Variants in ROBO2 observed in about 807,000 individuals in gnomAD.
ROBO2 encodes roundabout homolog 2.
In ROBO2, 53 loss-of-function variants were observed where a neutral mutation model predicts 160.8. That is an observed-to-expected ratio of 0.33 (90% confidence interval 0.26 to 0.41). The LOEUF (loss-of-function observed/expected upper bound fraction) is 0.41, where lower values mean the gene tolerates loss of function less well. ROBO2 is among the 10% of genes least tolerant of loss of function. The pLI, the probability that ROBO2 is intolerant of heterozygous loss-of-function variation, is 1.00. For synonymous variants in ROBO2, 664 were observed against 611.7 expected (o/e 1.09, Z -1.26); for missense variants, 1,577 against 1,722.4 (o/e 0.92, Z 1.49).
chr3:77,105,496 G>A (rs2150133622), intron 2 of ROBO2, among the ~76,000 whole-genome samples: 1 of 152,246 alleles, frequency 6.6e-6, no homozygotes, highest in East Asian at 1.9e-4. Context: ...ATGCTAATAT[G>A]TTATTTTGGC....
chr3:75,935,334 C>T (rs1947721557), intron 1 of ROBO2, among the ~76,000 whole-genome samples: 1 of 151,988 alleles, frequency 6.6e-6, no homozygotes, highest in Non-Finnish European at 1.5e-5. Context: ...AGTCAAGCAA[C>T]ATAGTGGGAC....
chr3:76,086,251 G>A (rs1293158716), intron 2 of ROBO2, among the ~76,000 whole-genome samples: 3 of 152,218 alleles, frequency 2.0e-5, no homozygotes, highest in Non-Finnish European at 2.9e-5. Context: ...CGAAGCGGAG[G>A]AAAAGCCCCT....
At chr3:77,291,631 T>TAG (rs2061277256) in intron 2 of ROBO2, among the ~76,000 whole-genome samples, 1 of 148,798 alleles carries the variant, frequency 6.7e-6, no homozygotes, top group South Asian at 2.1e-4. Flanking sequence ...GTTAAATGGG[T>TAG]AAGCTGAGGC....
intron 2 of ROBO2, among the ~76,000 whole-genome samples, chr3:76,653,384 A>G (rs957028103): frequency 6.7e-6 from 1 of 150,346 alleles, no homozygotes; most frequent in African/African-American, 2.4e-5. Flanking sequence ...ATAGTAAAAT[A>G]TATATAATAT....
intron 14 of ROBO2, among the ~76,000 whole-genome samples, chr3:77,576,243 G>A (rs1409390880): frequency 5.3e-5 from 8 of 152,058 alleles, no homozygotes; most frequent in Admixed American, 5.2e-4. Context: ...CTATTAACAT[G>A]TTGCTGTGTG....
In ROBO2 at chr3:76,194,927, A is replaced by G. The variant is rs553796425; in HGVS notation, c.109+257325A>G. On this transcript the variant is annotated intron_variant, in intron 2 of 26. Coordinates refer to the ROBO2 transcript ENST00000487694. ...GCCATTGCGCCAGGCCTATAGTATG[A>G]TTTTTTAAAGGTTGACTTTTGTCAA... 2.0e-5 allele frequency among the ~76,000 whole-genome samples: 3 copies of G among 152,160 alleles called. No homozygotes were observed. In the East Asian group the frequency reaches 5.8e-4, roughly 29 times the overall value.
intron 1 of ROBO2, among the ~76,000 whole-genome samples, chr3:77,044,762 G>A (rs951266462): frequency 1.3e-5 from 2 of 152,156 alleles, no homozygotes; most frequent in South Asian, 2.1e-4. Flanking sequence ...TGTTTTGCAC[G>A]GATCCTATCA....
intron 2 of ROBO2, among the ~76,000 whole-genome samples, chr3:76,464,060 A>C (rs2078238009): frequency 6.6e-6 from 1 of 152,134 alleles, no homozygotes; most frequent in African/African-American, 2.4e-5. Context: ...CAGAAGTGGG[A>C]AGGGGCCTTG....
At chr3:76,098,436 G>C (rs1261939382) in intron 2 of ROBO2, among the ~76,000 whole-genome samples, 1 of 151,992 alleles carries the variant, frequency 6.6e-6, no homozygotes, top group Non-Finnish European at 1.5e-5. Flanking sequence ...GTTTGGATGA[G>C]TTTTAAGTGC....
intron 2 of ROBO2, among the ~76,000 whole-genome samples, chr3:76,089,356 A>T (rs1400985353): frequency 6.6e-6 from 1 of 151,728 alleles, no homozygotes; most frequent in Admixed American, 6.6e-5. Context: ...TTACCCTAAT[A>T]AAAAAAACCA....
intron 2 of ROBO2, among the ~76,000 whole-genome samples, chr3:76,483,328 A>C (rs1262802248): frequency 6.9e-6 from 1 of 145,408 alleles, no homozygotes; most frequent in Non-Finnish European, 1.5e-5. Context: ...TTTCAATTTC[A>C]ACTTTTATTT....
At chr3:77,221,676 G>C (rs1480361634) in intron 2 of ROBO2, among the ~76,000 whole-genome samples, 1 of 151,914 alleles carries the variant, frequency 6.6e-6, no homozygotes, top group South Asian at 2.1e-4. Context: ...CCATTCACCA[G>C]TTCACCAAGA....
intron 2 of ROBO2, among the ~76,000 whole-genome samples, chr3:77,160,347 A>G (rs563003450): frequency 1.2e-4 from 18 of 151,992 alleles, no homozygotes; most frequent in African/African-American, 4.1e-4. Context: ...TAATTATTTT[A>G]TAAAGTTTTT....
intron 2 of ROBO2, among the ~76,000 whole-genome samples, chr3:76,355,080 T>C (rs1039524403): frequency 6.6e-6 from 1 of 150,966 alleles, no homozygotes; most frequent in African/African-American, 2.4e-5. Context: ...ATGGGGGTGT[T>C]TGTGTTTGCA....
At chr3:77,452,068 CTTCT>C (rs1408448637) in intron 2 of ROBO2, among the ~76,000 whole-genome samples, 5 of 152,068 alleles carry the variant, frequency 3.3e-5, no homozygotes, top group Non-Finnish European at 5.9e-5. Context: ...TGGTTTCCAG[CTTCT>C]TTCTTCCCTT....
chr3:77,120,276 A>T (rs1358011259), intron 2 of ROBO2, among the ~76,000 whole-genome samples: 1 of 152,212 alleles, frequency 6.6e-6, no homozygotes, highest in African/African-American at 2.4e-5. Flanking sequence ...AACTAAGTCA[A>T]TGATGTTGAT....
chr3:77,225,392 A>C (rs1488226505), intron 2 of ROBO2, among the ~76,000 whole-genome samples: 1 of 151,932 alleles, frequency 6.6e-6, no homozygotes, highest in African/African-American at 2.4e-5. Context: ...TAGAATGATG[A>C]AAAAGCCCCT....
intron 2 of ROBO2, among the ~76,000 whole-genome samples, chr3:76,045,808 CTCCTCTCCCT>C (rs529277126): frequency 4.6e-4 from 70 of 152,010 alleles, no homozygotes; most frequent in Non-Finnish European, 8.5e-4. Context: ...GGTTTCTTTC[CTCCTCTCCCT>C]TCCTCTCTCT....
chr3:76,665,865 G>T (rs2091999377), intron 2 of ROBO2, among the ~76,000 whole-genome samples: 1 of 138,338 alleles, frequency 7.2e-6, no homozygotes, highest in East Asian at 2.0e-4. Context: ...GTACGTGTAT[G>T]TATATACGTA....
Sources: gnomAD v4.1 joint callset for allele counts (sites outside exome capture counted in the v4.1 genomes callset) on GRCh38, gnomAD v4.1.1 for gene constraint, MANE v1.5 for transcripts, NCBI Gene and HGNC (gene_info 2026-07-23, HGNC 2026-07-21) for gene names.